Variants in PARP14 observed in about 807,000 individuals in gnomAD.
PARP14 encodes protein mono-ADP-ribosyltransferase PARP14.
In PARP14, 59 loss-of-function variants were observed where a neutral mutation model predicts 154.2. The ratio of observed to expected loss-of-function variants is 0.38; its 90% CI spans 0.31 to 0.48. PARP14 has a LOEUF of 0.48. Ranked by LOEUF, PARP14 falls within the 20% of genes least tolerant of loss-of-function variation. The pLI, the probability that PARP14 is intolerant of heterozygous loss-of-function variation, is 0.98. For synonymous variants in PARP14, 720 were observed against 780.5 expected (o/e 0.92, Z 1.29); for missense variants, 1,734 against 2,131.6 (o/e 0.81, Z 3.67).
In PARP14 at chr3:122,699,939, G is replaced by A; in HGVS notation, c.1385G>A (p.Arg462Lys). Residue 462 changes from arginine to lysine, a missense_variant, in exon 6 of 17, where the codon AGG (arginine) becomes AAG (lysine). By Grantham distance (26) the Arg-to-Lys change is conservative (BLOSUM62 2). Transcript: ENST00000474629. Reference protein sequence around the residue: ...LIESTTQKIKREEQSLKEKMI... With the variant: ...LIESTTQKIKKEEQSLKEKMI... ...GAAAGCACTACTCAAAAAATTAAAA[G>A]GGAAGAGCAAAGTTTGAAGGAAAAA... 6.2e-7 allele frequency: 1 copy of A among 1,613,928 alleles called. No homozygotes were observed.
At position 122,728,674 on chromosome 3, in the gene PARP14, T is replaced by C. The variant is rs1466737716; in HGVS notation, c.*77T>C. 1.8e-6 allele frequency: 2 copies of C among 1,115,648 alleles called. No homozygotes were observed. The highest frequency in any genetic ancestry group is 1.5e-5 in the South Asian group (1 of 65,732). The allele number at this position is 1,115,648 out of a possible 1,614,324, so 69.1% of individuals were successfully genotyped here. ...GTAAAACAAGTTTTAGCTTTTTTTT[T>C]TAATTCCTCTTAACAGATTTTTCTA... is the stretch of plus-strand genomic sequence containing the variant. On this transcript the variant is annotated 3_prime_UTR_variant, in exon 17 of 17. Transcript: ENST00000474629.
Position 122,720,328 on chromosome 3 carries a change from T to C in PARP14, c.4881T>C (p.Pro1627=), listed in dbSNP as rs1473816928. ...TGGTGGAGCTGCTGCCTAGTGATCC[T>C]GAGTACAACACGGTGGCAAGCAAGT... ...FCVVELLPSD[P]EYNTVASKFN... Residue 1627 remains proline, a synonymous_variant, in exon 15 of 17, where the codon CCT becomes CCC. Transcript: ENST00000474629. The C allele has an allele frequency of 3.1e-6, 5 of 1,612,954 alleles. No individual in the cohort carries two copies. The East Asian group carries it at 1.1e-4, about 36-fold the overall frequency.
chr3:122,687,484 A>G (rs1938409363), intron 3 of PARP14, among the ~76,000 whole-genome samples: 1 of 152,196 alleles, frequency 6.6e-6, no homozygotes, highest in Admixed American at 6.5e-5. Flanking sequence ...TTAGTTGATG[A>G]GCACTGCTTC....
At chr3:122,727,726 A>G (rs1479252817) in intron 15 of PARP14, 86 bp from the exon 16 acceptor site, 2 of 802,892 alleles carry the variant, frequency 2.5e-6, no homozygotes, top group African/African-American at 3.5e-5. Context: ...GCTTTTATTT[A>G]TGAAACATAG....
Position 122,728,851 on chromosome 3 carries a change from A to G in PARP14, c.*254A>G. 2.4e-6 allele frequency: 1 copy of G among 420,590 alleles called. No homozygotes were observed. The highest frequency in any genetic ancestry group is 4.7e-5 in the East Asian group (1 of 21,372). The allele number at this position is 420,590 out of a possible 1,614,324, so 26.1% of individuals were successfully genotyped here. ...CTGTGTGTCCACAAGTATGGACATCAAATCTGTGGGAAAAGAACAGGTTTG... is the reference window on the plus strand; with the variant it reads ...CTGTGTGTCCACAAGTATGGACATCGAATCTGTGGGAAAAGAACAGGTTTG... On this transcript the variant is annotated 3_prime_UTR_variant, in exon 17 of 17. Coordinates refer to ENST00000474629, the MANE Select transcript of PARP14 (RefSeq NM_017554.3).
Position 122,701,754 on chromosome 3 carries a change from A to C in PARP14, c.3081+119A>C. 4.0e-6 allele frequency: 3 copies of C among 746,192 alleles called. No individual in the cohort carries two copies. The highest frequency in any genetic ancestry group is 6.5e-6 in the Non-Finnish European group (3 of 463,012). 46.2% of individuals were successfully genotyped at this position (746,192 alleles called of 1,614,324 possible). ...GGTGAGAATCAAGGGAGAGAATCCC[A>C]TGCCTTCCACCCCTGCCTTGAAACA... On this transcript the variant is annotated intron_variant, in intron 6 of 16. Coordinates refer to ENST00000474629, the MANE Select transcript of PARP14 (RefSeq NM_017554.3). This position sits in a 1 kb window ranked among gnomAD's most constrained non-coding sequence, Gnocchi z 4.0.
intron 5 of PARP14, among the ~76,000 whole-genome samples, chr3:122,695,935 G>A (rs956046602): frequency 1.3e-5 from 2 of 152,108 alleles, no homozygotes; most frequent in Admixed American, 6.5e-5. Flanking sequence ...TGGGATCTTT[G>A]AAATAATATA....
In PARP14 at chr3:122,701,089, C is replaced by G. The variant is rs1191962374; in HGVS notation, c.2535C>G (p.Leu845=). Residue 845 remains leucine (L), a synonymous_variant, in exon 6 of 17, where the codon CTC becomes CTG. Transcript: ENST00000474629. This position sits in a 1 kb window ranked among gnomAD's most constrained non-coding sequence, Gnocchi z 4.0. ...TCTCAAAAGCAGCTGGCCCTGAGCT[C>G]CAGGCCGACTGTGACCAGATAGTGA... ...AALSKAAGPE[L]QADCDQIVKR... The G allele has an allele frequency of 1.9e-6, 3 of 1,613,858 alleles. No individual in the cohort carries two copies. The highest frequency in any genetic ancestry group is 1.3e-5 in the African/African-American group (1 of 74,908).
At position 122,685,309 on chromosome 3, in the gene PARP14, T is replaced by C. The variant is rs1938337434; in HGVS notation, c.312T>C (p.Leu104=). 5.0e-6 allele frequency: 8 copies of C among 1,613,680 alleles called. No homozygotes were observed. The highest frequency in any genetic ancestry group is 1.7e-5 in the Admixed American group (1 of 60,008). Residue 104 remains leucine (L), a synonymous_variant, in exon 2 of 17, where the codon CTT becomes CTC. Transcript: ENST00000474629. ...DEIDHVFEEE[L]LTKESKTKED... ...TCGATCATGTCTTTGAAGAGGAACT[T>C]CTAACAAAAGCAAGTAAACTTTAGG...
chr3:122,694,825 T>C (rs1938720011), intron 4 of PARP14, among the ~76,000 whole-genome samples: 1 of 152,156 alleles, frequency 6.6e-6, no homozygotes, highest in Admixed American at 6.5e-5. Context: ...CGGCCAATAC[T>C]TATTATTAAA....
chr3:122,686,220 C>T (rs1163982891), intron 2 of PARP14, among the ~76,000 whole-genome samples: 1 of 152,006 alleles, frequency 6.6e-6, no homozygotes, highest in African/African-American at 2.4e-5. Flanking sequence ...GTGGCATGAT[C>T]ATGGCTTGCT....
Position 122,697,713 on chromosome 3 carries a change from A to G in PARP14, c.836-1677A>G, listed in dbSNP as rs1938823225. On this transcript the variant is annotated intron_variant, in intron 5 of 16. Transcript: ENST00000474629. ...CTTCACAAAATCTGTTTTATTTCTT[A>G]AGAGAATTTTCATTGAACACCTATG... Among the ~76,000 whole-genome samples, 4 of 152,358 alleles carry G rather than the reference A, an allele frequency of 2.6e-5. No individual in the cohort carries two copies. In the South Asian group the frequency reaches 8.3e-4, roughly 32 times the overall value.
chr3:122,707,441 T>G (rs970457556), intron 8 of PARP14, among the ~76,000 whole-genome samples: 1 of 149,420 alleles, frequency 6.7e-6, no homozygotes, highest in African/African-American at 2.4e-5. Flanking sequence ...ATAAATTATT[T>G]TATTTAATAT....
At chr3:122,684,356 A>G (rs1486380091) in intron 1 of PARP14, among the ~76,000 whole-genome samples, 1 of 152,064 alleles carries the variant, frequency 6.6e-6, no homozygotes. Flanking sequence ...AGATATGCTG[A>G]TTTTCTTCAT....
At chr3:122,715,451 T>C (rs1428558597) in intron 12 of PARP14, among the ~76,000 whole-genome samples, 1 of 152,232 alleles carries the variant, frequency 6.6e-6, no homozygotes, top group East Asian at 1.9e-4. Flanking sequence ...TTTCTTATAA[T>C]GTTCCGAGAT....
chr3:122,683,029 T>C (rs1045960227), intron 1 of PARP14, among the ~76,000 whole-genome samples: 1 of 152,070 alleles, frequency 6.6e-6, no homozygotes, highest in African/African-American at 2.4e-5. Flanking sequence ...CACTCCAGCC[T>C]GGCAACAGAG....
rs1938922687 is a variant in PARP14 at position 122,700,358 on chromosome 3, G to A, written c.1804G>A (p.Glu602Lys). ...MLSALNYKRI[E>K]VENKEVLHGK... ...CAGTGCCTTAAATTATAAGCGCATTGAAGTTGAGAACAAAGAAGTTCTTCA... is the reference window on the plus strand; with the variant it reads ...CAGTGCCTTAAATTATAAGCGCATTAAAGTTGAGAACAAAGAAGTTCTTCA... The change falls in exon 6 of 17, where the codon GAA becomes AAA. Residue 602 changes from glutamate (E) to lysine (K), a missense_variant. Coordinates refer to ENST00000474629, the MANE Select transcript of PARP14 (RefSeq NM_017554.3). 12 of 1,613,906 alleles carry A rather than the reference G, an allele frequency of 7.4e-6. No individual in the cohort carries two copies. Among genetic ancestry groups the A allele is most frequent in the Non-Finnish European group, 9.3e-6 (11 of 1,179,870 alleles).
chr3:122,685,287 A>C lies in PARP14; in HGVS notation c.290A>C (p.Asp97Ala). ...VQLPATPDEI[D>A]HVFEEELLTK... ...TTACCTGCAACCCCAGATGAAATCG[A>C]TCATGTCTTTGAAGAGGAACTTCTA... Residue 97 changes from aspartate (D) to alanine (A), a missense_variant, in exon 2 of 17, where the codon GAT (aspartate) becomes GCT (alanine). By Grantham distance (126) the Asp-to-Ala change is moderately radical. This residue lies in a region of PARP14 where 1,646 missense variants were observed against 1,976.0 expected (regional missense o/e 0.83). Coordinates refer to ENST00000474629, the MANE Select transcript of PARP14 (RefSeq NM_017554.3). 1 of 1,613,942 alleles carries C rather than the reference A, an allele frequency of 6.2e-7. No homozygotes were observed. The highest frequency in any genetic ancestry group is 8.5e-7 in the Non-Finnish European group (1 of 1,179,850).
chr3:122,720,148 T>C (rs187866045), intron 14 of PARP14, 107 bp from the exon 15 acceptor site: 1 of 1,117,962 alleles, frequency 8.9e-7, no homozygotes, highest in Admixed American at 2.3e-5. Flanking sequence ...GATAAGGAAC[T>C]CTTTGAATGC....
Sources: allele counts gnomAD v4.1 joint callset (sites outside exome capture counted in the v4.1 genomes callset), GRCh38; gene constraint gnomAD v4.1.1; regional missense constraint gnomAD v4.1.1; non-coding constraint Gnocchi (gnomAD v3.1); transcripts MANE v1.5; gene names NCBI Gene and HGNC (gene_info 2026-07-23, HGNC 2026-07-21).